PERM1: variants seen among roughly 807,000 people sequenced by gnomAD.
PERM1 encodes PPARGC1 and ESRR induced regulator, muscle 1.
PERM1 carries 45 observed loss-of-function variants against 44.1 expected under a neutral mutation model. That is an observed-to-expected ratio of 1.02 (90% CI 0.80 to 1.31). PERM1 has a LOEUF of 1.31. Among genes scored for constraint, PERM1 ranks in the 50% most tolerant of loss-of-function variants. The probability of loss-of-function intolerance (pLI) is 0.00; values close to 1 mark genes in which losing one functional copy is unlikely to be tolerated. For synonymous variants in PERM1, 565 were observed against 477.1 expected (o/e 1.18, Z -2.40); for missense variants, 1,189 against 1,106.9 (o/e 1.07, Z -1.05).
chr1:978,795 G>C (rs937132128), intron 1 of PERM1, 86 bp downstream of exon 2: 1 of 1,280,632 alleles, frequency 7.8e-7, no homozygotes, highest in Non-Finnish European at 1.0e-6. Context: ...CGGCCTGCCC[G>C]GCCCCTGCGG....
chr1:980,541 G>A (rs1643768913), exon 1 of PERM1: 2 of 1,466,668 alleles, frequency 1.4e-6, no homozygotes, highest in African/African-American at 2.9e-5. Flanking sequence ...GGGAGCCAGT[G>A]CTGTGGCCAG....
exon 1 of PERM1, chr1:981,029 T>G: frequency 6.5e-7 from 1 of 1,530,816 alleles, no homozygotes; most frequent in South Asian, 1.2e-5. Flanking sequence ...AAATTTTCCA[T>G]GTGGAGTCAG....
exon 1 of PERM1, chr1:980,853 G>A: frequency 4.3e-6 from 6 of 1,402,218 alleles, no homozygotes; most frequent in Non-Finnish European, 5.5e-6. Context: ...GCCCAGTTGG[G>A]AGAGGTGGGG....
At chr1:978,369 CCCCGGGAACCGCCTGCCCCGGGAACCG>C (rs1356215217) in intron 1 of PERM1, among the ~76,000 whole-genome samples, 1 of 150,896 alleles carries the variant, frequency 6.6e-6, no homozygotes, top group Non-Finnish European at 1.5e-5. Flanking sequence ...GAACTGGTTG[CCCCGGGAACCGCCTGCCCCGGGAACCG>C]CCCGCCCTGG....
chr1:980,894 C>T lies in PERM1; in HGVS notation c.136G>A (p.Gly46Arg), dbSNP rs954401987. 7 of 1,410,466 alleles carry T rather than the reference C, an allele frequency of 5.0e-6. No individual in the cohort carries two copies. In the African/African-American group the frequency reaches 5.8e-5, roughly 12 times the overall value. 87.4% of individuals were successfully genotyped at this position (1,410,466 alleles called of 1,614,324 possible). Residue 46 changes from glycine (G) to arginine (R), a missense_variant, in exon 1 of 3, where the codon GGG (glycine) becomes AGG (arginine). This residue lies in a region of PERM1 where 274 missense variants were observed against 317.9 expected (regional missense o/e 0.86). Transcript: ENST00000433179. ...GGGGGACTGCTGCCACTGCTGTCCC[C>T]TTGGTCAATGTCACTGGACAAGAGC...
In PERM1 at chr1:979,202, C is replaced by T. The variant is rs556313468; in HGVS notation, c.1828G>A (p.Val610Ile). The T allele has an allele frequency of 1.2e-3, 1,853 of 1,550,122 alleles. 1 individual carries two copies. Among genetic ancestry groups the T allele is most frequent in the Non-Finnish European group, 1.5e-3 (1,729 of 1,146,800 alleles). The change falls in exon 1 of 3, where the codon GTC becomes ATC. Residue 610 changes from valine to isoleucine, a missense_variant. Val to Ile is a conservative substitution (Grantham distance 29). Around this residue, in one of 3 missense-constraint regions of PERM1, gnomAD observed 900 missense variants for 760.4 expected, o/e 1.18. Transcript: ENST00000433179. ...AACTCGCACATGTCCGGCCACTGGA[C>T]GCCTGCCGGATCCTGACCGGCCGCT...
chr1:976,092 G>A, exon 3 of PERM1: 4 of 1,392,860 alleles, frequency 2.9e-6, no homozygotes, highest in Non-Finnish European at 3.9e-6. Flanking sequence ...AGAGGGCCCG[G>A]GCGAGGGCGG....
chr1:979,817 CAG>C lies in PERM1; in HGVS notation c.1211_1212del (p.Pro404ArgfsTer18), dbSNP rs1297570062. 6.5e-7 allele frequency: 1 copy of C among 1,550,190 alleles called. No individual in the cohort carries two copies. The highest frequency in any genetic ancestry group is 8.7e-7 in the Non-Finnish European group (1 of 1,146,876). On this transcript the variant is annotated frameshift_variant, in exon 1 of 3. Transcript: ENST00000433179. LOFTEE classifies it high-confidence loss of function. ...GCCACATCCAGGCCATGTTTGGAGG[CAG>C]GTGTGGACACAGCCACGTCCGTGTC...
exon 3 of PERM1, chr1:976,053 C>T (rs946879138): frequency 5.0e-6 from 5 of 1,009,128 alleles, no homozygotes; most frequent in African/African-American, 1.7e-5. Context: ...GACACGCCCC[C>T]CTCCTGGACG....
At chr1:976,080 T>C (rs1215518034) in exon 3 of PERM1, 2 of 1,282,264 alleles carry the variant, frequency 1.6e-6, no homozygotes, top group Non-Finnish European at 2.1e-6. Context: ...AAGAGAGGGG[T>C]CAGAGGGCCC....
chr1:978,509 G>A (rs2340596), intron 1 of PERM1, among the ~76,000 whole-genome samples: 77,412 of 152,094 alleles, frequency 0.51, 21,270 homozygotes, highest in East Asian at 0.73. Context: ...TGGAGGCCCC[G>A]TGTTCTGGTC....
exon 3 of PERM1, chr1:975,365 C>T (rs1419280927): frequency 3.3e-5 from 5 of 152,478 alleles, no homozygotes; most frequent in African/African-American, 9.7e-5. Context: ...TCTGACTCCT[C>T]TTGGCTGTGG....
exon 1 of PERM1, chr1:979,166 C>A (rs1041839859): frequency 1.9e-6 from 3 of 1,550,080 alleles, no homozygotes; most frequent in Admixed American, 2.0e-5. Flanking sequence ...GCTCCAACGT[C>A]TGGGAAGAAG....
chr1:976,549 G>A (rs962887013), exon 2 of PERM1: 2 of 1,549,606 alleles, frequency 1.3e-6, no homozygotes, highest in East Asian at 2.4e-5. Flanking sequence ...CACAGCCCAG[G>A]TGGCAAAAGC....
exon 1 of PERM1, chr1:978,954 G>A (rs1643701250): frequency 4.6e-6 from 7 of 1,506,002 alleles, no homozygotes; most frequent in South Asian, 2.6e-5. Context: ...CCGCCCCCTC[G>A]GAGGCCGACC....
exon 3 of PERM1, chr1:975,958 A>C: frequency 3.7e-6 from 2 of 544,812 alleles, no homozygotes; most frequent in Non-Finnish European, 3.2e-6. Flanking sequence ...CCACCCACCC[A>C]GACTTTAGCA....
exon 2 of PERM1, chr1:976,500 T>A (rs1339756563): frequency 1.9e-6 from 3 of 1,549,312 alleles, no homozygotes; most frequent in Non-Finnish European, 2.6e-6. Flanking sequence ...CACCCAAACC[T>A]GTTTTCCAGG....
At chr1:976,550 T>C in exon 2 of PERM1, 1 of 1,549,542 alleles carries the variant, frequency 6.5e-7, no homozygotes, top group Non-Finnish European at 8.7e-7. Flanking sequence ...ACAGCCCAGG[T>C]GGCAAAAGCT....
intron 1 of PERM1, among the ~76,000 whole-genome samples, chr1:978,417 C>T (rs192667551): frequency 2.2e-4 from 33 of 152,318 alleles, no homozygotes; most frequent in South Asian, 1.7e-3. Context: ...ACGCGTCTGT[C>T]GGAGTCACAT....
Sources: allele counts gnomAD v4.1 joint callset (sites outside exome capture counted in the v4.1 genomes callset), GRCh38; gene constraint gnomAD v4.1.1; regional missense constraint gnomAD v4.1.1; transcripts MANE v1.5; gene names NCBI Gene and HGNC (gene_info 2026-07-23, HGNC 2026-07-21).